MAP7D2: variants seen among roughly 807,000 people sequenced by gnomAD.
The protein encoded by MAP7D2 is MAP7 domain-containing protein 2.
A neutral mutation model predicts 63.5 loss-of-function variants in MAP7D2; 33 were observed. The ratio of observed to expected loss-of-function variants is 0.52; its 90% confidence interval spans 0.39 to 0.70. The LOEUF is 0.70. Ranked by LOEUF, MAP7D2 falls within the 30% of genes least tolerant of loss-of-function variation. The probability of loss-of-function intolerance (pLI) is 0.00; values close to 1 mark genes in which losing one functional copy is unlikely to be tolerated. For missense variants in MAP7D2, 626 were observed against 604.0 expected (o/e 1.04, Z -0.38); for synonymous variants, 224 against 223.7 (o/e 1.00, Z -0.01).
chrX:20,090,452 G>A (rs1194408179), intron 1 of MAP7D2, among the ~76,000 whole-genome samples: 2 of 109,418 alleles, frequency 1.8e-5, no homozygotes, highest in Non-Finnish European at 3.8e-5. Flanking sequence ...AATCATCAGG[G>A]AAATGCAAGG....
chrX:20,086,770 T>TTTTTG (rs748515078), intron 1 of MAP7D2, among the ~76,000 whole-genome samples: 86 of 111,379 alleles, frequency 7.7e-4, no homozygotes, highest in African/African-American at 2.7e-3. Context: ...AAATGCTGTT[T>TTTTTG]TTTTGTTTTG....
chrX:20,065,609 A>G (rs886408811), intron 1 of MAP7D2, among the ~76,000 whole-genome samples: 2 of 111,453 alleles, frequency 1.8e-5, no homozygotes, highest in African/African-American at 6.5e-5. Flanking sequence ...TTGGGTGAGC[A>G]CTATGAAAGA....
In MAP7D2 at chrX:20,008,065, C is replaced by G. The variant is rs1301514508; in HGVS notation, c.*360G>C. On this transcript the variant is annotated 3_prime_UTR_variant, in exon 17 of 17. Coordinates refer to ENST00000379643, the MANE Select transcript of MAP7D2 (RefSeq NM_001168465.2). ...AAGACATCTAAATGTTTATGTGCTC[C>G]AACTTTGGGAATAAGAATGGTTATA... is the stretch of plus-strand genomic sequence containing the variant. 8.9e-6 allele frequency: 1 copy of G among 111,868 alleles called. No individual in the cohort carries two copies. The highest frequency in any genetic ancestry group is 1.9e-5 in the Non-Finnish European group (1 of 53,200). The allele number at this position is 111,868 out of a possible 1,213,427, so 9.2% of individuals were successfully genotyped here. A position where few individuals can be genotyped will look rare whatever the true frequency, so the allele number is the denominator to read the frequency against.
At position 20,013,091 on chromosome X, in the gene MAP7D2, C is replaced by T. The variant is rs762370807; in HGVS notation, c.1848G>A (p.Val616=). ...GGACAACCAGTTTTGTCTTCTTTTC[C>T]ACACACACAGCAGGCTGGACCCCCA... is the stretch of plus-strand genomic sequence containing the variant. ...PKVGVQPAVC[V]EKKTKLVVPN... Residue 616 remains valine, a synonymous_variant, in exon 14 of 17, where the codon GTG becomes GTA. Coordinates refer to ENST00000379643, the MANE Select transcript of MAP7D2 (RefSeq NM_001168465.2). 1 of 1,210,444 alleles carries T rather than the reference C, an allele frequency of 8.3e-7. No homozygotes were observed. The highest frequency in any genetic ancestry group is 1.1e-6 in the Non-Finnish European group (1 of 894,455).
chrX:20,014,041 G>C (rs1436578443), intron 12 of MAP7D2, among the ~76,000 whole-genome samples: 1 of 111,958 alleles, frequency 8.9e-6, no homozygotes, highest in East Asian at 2.8e-4. Flanking sequence ...ACAAAGCCCA[G>C]GTTGGGCCTA....
intron 1 of MAP7D2, among the ~76,000 whole-genome samples, chrX:20,096,961 T>C (rs1569144306): frequency 8.9e-6 from 1 of 111,904 alleles, no homozygotes; most frequent in Non-Finnish European, 1.9e-5. Flanking sequence ...ATTTAAAGCT[T>C]AGACATTCAA....
intron 3 of MAP7D2, 126 bp downstream of exon 3, chrX:20,063,288 G>T: frequency 1.4e-6 from 1 of 693,701 alleles, no homozygotes; most frequent in Non-Finnish European, 2.1e-6. Flanking sequence ...AGAAGGCATG[G>T]GAGCCACCAA....
At chrX:20,030,479 T>C (rs1352869544) in intron 8 of MAP7D2, among the ~76,000 whole-genome samples, 2 of 112,218 alleles carry the variant, frequency 1.8e-5, no homozygotes, top group African/African-American at 6.5e-5. Context: ...GTTCCATGAC[T>C]GGCAGAAAAT....
chrX:20,073,402 A>G (rs2065556722), intron 1 of MAP7D2, among the ~76,000 whole-genome samples: 1 of 111,878 alleles, frequency 8.9e-6, no homozygotes, highest in African/African-American at 3.2e-5. Context: ...AAAACTGCCA[A>G]TAAATGATAA....
intron 3 of MAP7D2, among the ~76,000 whole-genome samples, chrX:20,060,110 C>G (rs756602235): frequency 9.1e-6 from 1 of 109,912 alleles, no homozygotes; most frequent in South Asian, 3.9e-4. Context: ...ACCTCCACCT[C>G]CTAGGTTCAA....
chrX:20,087,436 C>G (rs190273295), intron 1 of MAP7D2, among the ~76,000 whole-genome samples: 1 of 111,959 alleles, frequency 8.9e-6, no homozygotes, highest in Non-Finnish European at 1.9e-5. Flanking sequence ...GCTAACTCCC[C>G]TTCCCCTTCC....
Position 20,010,797 on chromosome X carries a change from T to C in MAP7D2, c.*6A>G, listed in dbSNP as rs750591854. 1 of 1,204,801 alleles carries C rather than the reference T, an allele frequency of 8.3e-7. No homozygotes were observed. The highest frequency in any genetic ancestry group is 1.7e-5 in the African/African-American group (1 of 57,627). ...TGTACCTTTTATTAAAGGGATGCTG[T>C]ATTTGTCAACAGAAGGTGTTGAGAG... On this transcript the variant is annotated 3_prime_UTR_variant, in exon 16 of 17. Coordinates refer to ENST00000379643, the MANE Select transcript of MAP7D2 (RefSeq NM_001168465.2).
intron 1 of MAP7D2, among the ~76,000 whole-genome samples, chrX:20,106,804 C>G (rs1356596114): frequency 9.0e-6 from 1 of 110,572 alleles, no homozygotes; most frequent in Non-Finnish European, 1.9e-5. Flanking sequence ...AGCATGAGAC[C>G]TGTCTCTATT....
intron 1 of MAP7D2, among the ~76,000 whole-genome samples, chrX:20,099,969 T>C (rs1297067451): frequency 9.0e-6 from 1 of 111,496 alleles, no homozygotes; most frequent in East Asian, 2.8e-4. Flanking sequence ...TACTCCTATT[T>C]TTATTTGAGG....
At chrX:20,053,931 C>A (rs751607452) in intron 4 of MAP7D2, among the ~76,000 whole-genome samples, 1 of 111,648 alleles carries the variant, frequency 9.0e-6, no homozygotes, top group African/African-American at 3.3e-5. Flanking sequence ...GCAACCTCCG[C>A]CTCCCGGGTT....
chrX:20,012,658 G>GCTCTTTCCACA, intron 14 of MAP7D2, 123 bp from the exon 15 acceptor site: 2 of 568,340 alleles, frequency 3.5e-6, no homozygotes, highest in Non-Finnish European at 5.5e-6. Flanking sequence ...ATCTTTTGTG[G>GCTCTTTCCACA]AAAGAGCCAC....
At chrX:20,015,379 T>C (rs968748027) in intron 11 of MAP7D2, 52 bp from the exon 12 acceptor site, 3 of 1,014,066 alleles carry the variant, frequency 3.0e-6, no homozygotes, top group African/African-American at 3.7e-5. Context: ...AAGAAAACAG[T>C]GTGGTAATTC....
chrX:20,095,168 A>G (rs1569142223), intron 1 of MAP7D2, among the ~76,000 whole-genome samples: 1 of 111,452 alleles, frequency 9.0e-6, no homozygotes, highest in Non-Finnish European at 1.9e-5. Context: ...CAAGAATGAA[A>G]TTTATGTTAT....
chrX:20,076,116 T>C (rs1013217527), intron 1 of MAP7D2, among the ~76,000 whole-genome samples: 3 of 111,697 alleles, frequency 2.7e-5, no homozygotes, highest in Non-Finnish European at 5.6e-5. Context: ...TGAGAATTTG[T>C]ATTTCTAATA....
Sources: allele counts gnomAD v4.1 joint callset (sites outside exome capture counted in the v4.1 genomes callset), GRCh38; gene constraint gnomAD v4.1.1; transcripts MANE v1.5; gene names NCBI Gene and HGNC (gene_info 2026-07-23, HGNC 2026-07-21).